C14orf132: variants seen among roughly 807,000 people sequenced by gnomAD.
C14orf132 encodes the protein chromosome 14 open reading frame 132.
In C14orf132, 6 loss-of-function variants were observed where a neutral mutation model predicts 5.8. The observed-to-expected ratio is 1.03, with a 90% CI of 0.57 to 2.04. C14orf132 has a LOEUF of 2.04. C14orf132 is among the 30% of genes most tolerant of loss of function. The pLI, the probability that C14orf132 is intolerant of heterozygous loss-of-function variation, is 0.00. For synonymous variants in C14orf132, 51 were observed against 49.8 expected (o/e 1.02, Z -0.10); for missense variants, 125 against 115.8 (o/e 1.08, Z -0.37).
intron 1 of C14orf132, among the ~76,000 whole-genome samples, chr14:96,076,245 T>C (rs553668004): frequency 6.6e-6 from 1 of 152,348 alleles, no homozygotes; most frequent in East Asian, 1.9e-4. Flanking sequence ...TCTGCCCTTT[T>C]GCTGTCAGTA....
rs755530241 is a variant in C14orf132 at position 96,070,596 on chromosome 14, T to TCTCACACACACACA, written c.28-15914_28-15913insTCACACACACACAC. 3.9e-3 allele frequency among the ~76,000 whole-genome samples: 555 copies of TCTCACACACACACA among 142,620 alleles called. 2 individuals are homozygous for TCTCACACACACACA. Among genetic ancestry groups the TCTCACACACACACA allele is most frequent in the African/African-American group, 0.014 (523 of 38,454 alleles). 93.6% of individuals were successfully genotyped at this position (142,620 alleles called of 152,430 possible). A position where few individuals can be genotyped will look rare whatever the true frequency, so the allele number is the denominator to read the frequency against. On this transcript the variant is annotated intron_variant, in intron 1 of 1. Transcript: ENST00000555004. ...GGTAGATGAAGTCTCTCTCTCTCTC[T>TCTCACACACACACA]CACACACACACACACACACACACAC...
chr14:96,058,340 G>A (rs1887240820), intron 1 of C14orf132, among the ~76,000 whole-genome samples: 1 of 151,926 alleles, frequency 6.6e-6, no homozygotes, highest in African/African-American at 2.4e-5. Flanking sequence ...CCTTAATGAT[G>A]CCATTTCTAC....
At chr14:96,059,091 G>A (rs1466213608) in intron 1 of C14orf132, among the ~76,000 whole-genome samples, 1 of 152,186 alleles carries the variant, frequency 6.6e-6, no homozygotes, top group Non-Finnish European at 1.5e-5. Flanking sequence ...GTGAGACTCT[G>A]TCTCTACAAA....
chr14:96,051,003 T>C, intron 1 of C14orf132: 1 of 394,714 alleles, frequency 2.5e-6, no homozygotes. Flanking sequence ...GACACTTGAA[T>C]CTAAATCTAG....
intron 1 of C14orf132, among the ~76,000 whole-genome samples, chr14:96,049,643 T>TAC (rs1886967623): frequency 1.4e-5 from 1 of 70,938 alleles, no homozygotes; most frequent in African/African-American, 5.4e-5. Flanking sequence ...TATATACGTA[T>TAC]ATATATATAT....
At chr14:96,054,500 T>C (rs1887122040) in intron 1 of C14orf132, among the ~76,000 whole-genome samples, 1 of 152,208 alleles carries the variant, frequency 6.6e-6, no homozygotes, top group South Asian at 2.1e-4. Context: ...TGGAACAAGA[T>C]GCTTAATTTC....
At position 96,086,761 on chromosome 14, in the gene C14orf132, G is replaced by A; in HGVS notation, c.*26G>A. ...GGACGGCACACCCTGCACCACCATG[G>A]GGTGAGGCTTGGCACGTAGCTCTGA... On this transcript the variant is annotated 3_prime_UTR_variant, in exon 2 of 2. Coordinates refer to ENST00000555004, the MANE Select transcript of C14orf132 (RefSeq NM_001252507.3). The A allele has an allele frequency of 4.6e-6, 7 of 1,531,288 alleles. No individual in the cohort carries two copies. Among genetic ancestry groups the A allele is most frequent in the Non-Finnish European group, 4.4e-6 (5 of 1,143,052 alleles). The allele number at this position is 1,531,288 out of a possible 1,614,324, so 94.9% of individuals were successfully genotyped here.
intron 1 of C14orf132, among the ~76,000 whole-genome samples, chr14:96,060,575 A>G (rs970161578): frequency 6.6e-6 from 1 of 152,118 alleles, no homozygotes; most frequent in African/African-American, 2.4e-5. Context: ...CTCAGGGCTC[A>G]GCTCCCTGAC....
intron 1 of C14orf132, among the ~76,000 whole-genome samples, chr14:96,064,415 T>TAC (rs1887465808): frequency 6.7e-6 from 1 of 150,046 alleles, no homozygotes; most frequent in Non-Finnish European, 1.5e-5. Context: ...TGTATATATA[T>TAC]ACACATATAT....
chr14:96,070,089 A>G (rs1313569229), intron 1 of C14orf132, among the ~76,000 whole-genome samples: 1 of 152,182 alleles, frequency 6.6e-6, no homozygotes, highest in Non-Finnish European at 1.5e-5. Context: ...ACTGAAATGC[A>G]TCCCCAGACC....
At chr14:96,044,402 G>A (rs1370679717) in intron 1 of C14orf132, among the ~76,000 whole-genome samples, 2 of 152,176 alleles carry the variant, frequency 1.3e-5, no homozygotes, top group Non-Finnish European at 1.5e-5. Flanking sequence ...CAGGTCTAGA[G>A]CTCCTGGGCT....
chr14:96,093,763 C>G lies in C14orf132; in HGVS notation c.*7028C>G, dbSNP rs998030830. ...TCTTAATAAAGGATTTCGCTGTGCTCTTTTGATTAAAAATATCTAACCTTA... is the reference window on the plus strand; with the variant it reads ...TCTTAATAAAGGATTTCGCTGTGCTGTTTTGATTAAAAATATCTAACCTTA... On this transcript the variant is annotated 3_prime_UTR_variant, in exon 2 of 2. Transcript: ENST00000555004. The G allele has an allele frequency of 1.3e-5, 2 of 152,218 alleles. No individual in the cohort carries two copies. Among genetic ancestry groups the G allele is most frequent in the African/African-American group, 4.8e-5 (2 of 41,450 alleles). The allele number at this position is 152,218 out of a possible 1,614,324, so 9.4% of individuals were successfully genotyped here.
chr14:96,071,117 G>A (rs1348738973), intron 1 of C14orf132, among the ~76,000 whole-genome samples: 2 of 152,176 alleles, frequency 1.3e-5, no homozygotes, highest in African/African-American at 4.8e-5. Context: ...GTTCCACATG[G>A]CTGGGGAGGC....
At chr14:96,044,846 A>G (rs1886791749) in intron 1 of C14orf132, among the ~76,000 whole-genome samples, 1 of 152,106 alleles carries the variant, frequency 6.6e-6, no homozygotes, top group Non-Finnish European at 1.5e-5. Flanking sequence ...CTTAGGGCCC[A>G]CCCTAATGAC....
intron 1 of C14orf132, among the ~76,000 whole-genome samples, chr14:96,073,487 C>A (rs1051269880): frequency 6.6e-6 from 1 of 152,262 alleles, no homozygotes; most frequent in African/African-American, 2.4e-5. Context: ...CAGTGAGATA[C>A]CATCTCACGC....
At chr14:96,054,702 A>G (rs1482794095) in intron 1 of C14orf132, among the ~76,000 whole-genome samples, 2 of 152,202 alleles carry the variant, frequency 1.3e-5, no homozygotes, top group African/African-American at 4.8e-5. Flanking sequence ...GGCTAAATGT[A>G]GCCATTTTCC....
At chr14:96,055,614 C>T (rs1379132187) in intron 1 of C14orf132, among the ~76,000 whole-genome samples, 7 of 152,156 alleles carry the variant, frequency 4.6e-5, no homozygotes, top group Admixed American at 3.9e-4. Context: ...AACTCCTGAA[C>T]CTCTCTGATC....
intron 1 of C14orf132, among the ~76,000 whole-genome samples, chr14:96,049,475 T>C (rs1419736607): frequency 1.4e-5 from 2 of 147,052 alleles, no homozygotes; most frequent in African/African-American, 2.5e-5. Flanking sequence ...TATATATATG[T>C]GTATATATAT....
intron 1 of C14orf132, among the ~76,000 whole-genome samples, chr14:96,077,459 T>C (rs1294289368): frequency 1.3e-5 from 2 of 152,132 alleles, no homozygotes; most frequent in African/African-American, 4.8e-5. Context: ...TTCAGTATGA[T>C]TGGCATCCTT....
Sources: gnomAD v4.1 joint callset for allele counts (sites outside exome capture counted in the v4.1 genomes callset) on GRCh38, gnomAD v4.1.1 for gene constraint, MANE v1.5 for transcripts, NCBI Gene and HGNC (gene_info 2026-07-23, HGNC 2026-07-21) for gene names.